The following SRSF5 variants were observed in gnomAD, a reference collection of about 807,000 sequenced individuals.
SRSF5 encodes the protein serine and arginine rich splicing factor 5.
Under a neutral mutation model 34.0 loss-of-function variants are expected in SRSF5, and 5 were observed. The observed-to-expected ratio is 0.15, with a 90% CI of 0.08 to 0.31. The LOEUF (loss-of-function observed/expected upper bound fraction) is 0.31, where lower values mean the gene tolerates loss of function less well. Among genes scored for constraint, SRSF5 ranks in the 10% least tolerant of loss-of-function variants. SRSF5 has a pLI of 1.00. For synonymous variants in SRSF5, 164 were observed against 117.7 expected (o/e 1.39, Z -2.55); for missense variants, 223 against 351.4 (o/e 0.63, Z 2.92).
At chr14:69,768,344 T>G (rs1314512010) in intron 2 of SRSF5, 62 bp downstream of exon 2, 1 of 1,598,588 alleles carries the variant, frequency 6.3e-7, no homozygotes, top group East Asian at 2.2e-5. Context: ...AAGCAGTTGT[T>G]TTCGATCTTG....
intron 4 of SRSF5, 70 bp from the exon 5 acceptor site, chr14:69,769,112 C>G: frequency 6.4e-7 from 1 of 1,569,200 alleles, no homozygotes. Context: ...ATGGCTTGAA[C>G]TTGCCCACAG....
intron 2 of SRSF5, 144 bp from the exon 3 acceptor site, chr14:69,768,459 TC>T (rs1882805628): frequency 1.7e-6 from 2 of 1,182,950 alleles, no homozygotes; most frequent in African/African-American, 1.5e-5. Flanking sequence ...GGAACCCCAC[TC>T]CCAGTGGCTC....
chr14:69,770,309 A>ATAATTT, intron 5 of SRSF5, 158 bp from the exon 6 acceptor site: 1 of 1,420,096 alleles, frequency 7.0e-7, no homozygotes, highest in Non-Finnish European at 9.2e-7. Flanking sequence ...CCTGACATAG[A>ATAATTT]TAATTTTTGA....
chr14:69,768,435 C>T (rs1475287179), intron 2 of SRSF5, 153 bp downstream of exon 2: 11 of 1,302,434 alleles, frequency 8.4e-6, no homozygotes, highest in South Asian at 2.7e-5. Context: ...ACAACTTTAA[C>T]TTGCCGGCTC....
intron 1 of SRSF5, chr14:69,767,800 G>A (rs1882699600): frequency 5.6e-6 from 2 of 354,710 alleles, no homozygotes; most frequent in Non-Finnish European, 1.1e-5. Context: ...TGGCTTTGCG[G>A]AGGGCGCGGG....
chr14:69,771,901 T>A lies in SRSF5; in HGVS notation c.*440T>A, dbSNP rs1883258242. On this transcript the variant is annotated 3_prime_UTR_variant, in exon 8 of 8. Transcript: ENST00000557154. The stretch of plus-strand genomic sequence containing the variant: ...ATTTGCTTGTACATAAAGGCTTAAT[T>A]TGTTTTCCTTGTTAGGGTCAAGGGT... The A allele has an allele frequency of 6.1e-6, 1 of 163,650 alleles. No homozygotes were observed. The highest frequency in any genetic ancestry group is 1.3e-5 in the Non-Finnish European group (1 of 74,790). The allele number at this position is 163,650 out of a possible 1,614,324, so 10.1% of individuals were successfully genotyped here.
Position 69,768,127 on chromosome 14 carries a change from C to G in SRSF5, c.-19-11C>G, listed in dbSNP as rs185542553. ...CATTGCTATTATCTCGATTGAATTA[C>G]TTTCTAATAGGAAGTACTAGCCGGA... On this transcript the variant is annotated splice_polypyrimidine_tract_variant and intron_variant, in intron 1 of 7. Coordinates refer to ENST00000557154, the MANE Select transcript of SRSF5 (RefSeq NM_001320214.2). 12 of 1,613,570 alleles carry G rather than the reference C, an allele frequency of 7.4e-6. No homozygotes were observed. The East Asian group carries it at 2.2e-4, about 30-fold the overall frequency.
At position 69,771,115 on chromosome 14, in the gene SRSF5, AT is replaced by A; in HGVS notation, c.551+16del. 1.9e-6 allele frequency: 3 copies of A among 1,612,932 alleles called. No homozygotes were observed. The South Asian group carries it at 3.3e-5, about 18-fold the overall frequency. On this transcript the variant is annotated intron_variant, in intron 7 of 7. Transcript: ENST00000557154. Reference sequence around the variant, plus strand: ...GCAGCAAAAGGCACAGGTATCTCTAATTTTTTAAAGTCAAAAGTTGTATTTA... The same window carrying A: ...GCAGCAAAAGGCACAGGTATCTCTAATTTTTAAAGTCAAAAGTTGTATTTA...
chr14:69,771,862 T>A lies in SRSF5; in HGVS notation c.*401T>A, dbSNP rs1289561302. 5.7e-6 allele frequency: 1 copy of A among 174,394 alleles called. No homozygotes were observed. Among genetic ancestry groups the A allele is most frequent in the Non-Finnish European group, 1.2e-5 (1 of 81,424 alleles). The allele number at this position is 174,394 out of a possible 1,614,324, so 10.8% of individuals were successfully genotyped here. A position where few individuals can be genotyped will look rare whatever the true frequency, so the allele number is the denominator to read the frequency against. On this transcript the variant is annotated 3_prime_UTR_variant, in exon 8 of 8. Coordinates refer to ENST00000557154, the MANE Select transcript of SRSF5 (RefSeq NM_001320214.2). ...AAACTAATTAATAGCTTTGGACACT[T>A]AAAAGAGCTCTAAATTTGCTTGTAC...
intron 1 of SRSF5, 37 bp downstream of exon 1, chr14:69,767,292 C>G (rs1385631050): frequency 2.4e-6 from 1 of 413,312 alleles, no homozygotes; most frequent in East Asian, 7.0e-5. Context: ...CTTCTCGGAT[C>G]GAGGCTTCTT....
At position 69,768,621 on chromosome 14, in the gene SRSF5, G is replaced by A; in HGVS notation, c.144G>A (p.Arg48=). Residue 48 remains arginine (R), a synonymous_variant, in exon 3 of 8, where the codon AGG becomes AGA. Coordinates refer to ENST00000557154, the MANE Select transcript of SRSF5 (RefSeq NM_001320214.2). ...CATTTTAGGAATTTGAGGATCCAAG[G>A]GATGCAGATGATGCTGTGTATGAGC... The part of the protein sequence containing the change: ...GFGFVEFEDP[R]DADDAVYELD... 1 of 1,614,192 alleles carries A rather than the reference G, an allele frequency of 6.2e-7. No homozygotes were observed. Among genetic ancestry groups the A allele is most frequent in the South Asian group, 1.1e-5 (1 of 91,082 alleles).
intron 1 of SRSF5, 166 bp downstream of exon 1, chr14:69,767,421 A>C (rs1478633269): frequency 2.2e-6 from 1 of 455,498 alleles, no homozygotes; most frequent in South Asian, 1.6e-5. Flanking sequence ...ATACTGTTTG[A>C]GGGGTACTGA....
rs1025023004 is a variant in SRSF5, at chr14:69,770,869, C to A, written c.441-126C>A. On this transcript the variant is annotated intron_variant, in intron 6 of 7. Transcript: ENST00000557154. ...CTTTGCTCTTTTAATGCTGTGTTAT[C>A]CAGAAATAAGACTCAATAGTAGCAA... 5.8e-6 allele frequency: 5 copies of A among 867,670 alleles called. No homozygotes were observed. In the African/African-American group the frequency reaches 6.8e-5, roughly 12 times the overall value. 53.7% of individuals were successfully genotyped at this position (867,670 alleles called of 1,614,324 possible).
In SRSF5 at chr14:69,770,372, T is replaced by G. The variant is rs919693070; in HGVS notation, c.367-95T>G. 2.6e-6 allele frequency: 4 copies of G among 1,523,250 alleles called. No individual in the cohort carries two copies. In the African/African-American group the frequency reaches 5.6e-5, roughly 21 times the overall value. 94.4% of individuals were successfully genotyped at this position (1,523,250 alleles called of 1,614,324 possible). ...TGCCATGTTTGTACTTTATCTAACA[T>G]CTTCTCTTTCAGTAGTCTTGTTTTT... On this transcript the variant is annotated intron_variant, in intron 5 of 7. Coordinates refer to ENST00000557154, the MANE Select transcript of SRSF5 (RefSeq NM_001320214.2).
rs1161117892 is a variant in SRSF5, at chr14:69,771,548, A to G, written c.*87A>G. On this transcript the variant is annotated 3_prime_UTR_variant, in exon 8 of 8. Coordinates refer to ENST00000557154, the MANE Select transcript of SRSF5 (RefSeq NM_001320214.2). ...ACCATACTTGCTAAAAATTCTGGTA[A>G]GTATGTGCTTTTCTGTGGGGGTGGG... 5.3e-6 allele frequency: 5 copies of G among 935,068 alleles called. No homozygotes were observed. The highest frequency in any genetic ancestry group is 7.7e-6 in the Non-Finnish European group (5 of 646,350). 57.9% of individuals were successfully genotyped at this position (935,068 alleles called of 1,614,324 possible).
intron 4 of SRSF5, 122 bp from the exon 5 acceptor site, chr14:69,769,059 CA>C (rs1411952340): frequency 7.5e-7 from 1 of 1,339,844 alleles, no homozygotes; most frequent in African/African-American, 1.4e-5. Context: ...TCATAGAACA[CA>C]AATCTATTGA....
At chr14:69,769,575 C>A in intron 5 of SRSF5, 1 of 1,535,352 alleles carries the variant, frequency 6.5e-7, no homozygotes, top group Non-Finnish European at 8.7e-7. Context: ...TTGTCTTGGT[C>A]ACTCTTGGTT....
At position 69,770,686 on chromosome 14, in the gene SRSF5, T is replaced by A. The variant is rs1161053830; in HGVS notation, c.440+146T>A. ...CTGCTTCCCTCCTCCCCCCCACACC[T>A]TTGGCAGTGTCTGGAGACAAGTTTG... On this transcript the variant is annotated intron_variant, in intron 6 of 7. Transcript: ENST00000557154. The A allele has an allele frequency of 5.2e-6, 4 of 765,692 alleles. No individual in the cohort carries two copies. The Admixed American group carries it at 1.1e-4, about 20-fold the overall frequency. 47.4% of individuals were successfully genotyped at this position (765,692 alleles called of 1,614,324 possible).
At chr14:69,769,363 G>A (rs763374621) in intron 5 of SRSF5, 112 bp downstream of exon 5, 149 of 1,508,632 alleles carry the variant, frequency 9.9e-5, no homozygotes, top group Non-Finnish European at 1.3e-4. Context: ...TGGATTTAAT[G>A]GAATTGTAAT....
Sources: allele counts gnomAD v4.1 joint callset, GRCh38; gene constraint gnomAD v4.1.1; transcripts MANE v1.5; gene names NCBI Gene and HGNC (gene_info 2026-07-23, HGNC 2026-07-21).